The following PMS1 variants were observed in gnomAD, a reference collection of about 807,000 sequenced individuals.
PMS1 encodes PMS1 homolog 1, mismatch repair system component.
PMS1 carries 79 observed loss-of-function variants against 93.1 expected under a neutral mutation model. That is an observed-to-expected ratio of 0.85 (90% CI 0.71 to 1.02). The LOEUF (loss-of-function observed/expected upper bound fraction) is 1.02, where lower values mean the gene tolerates loss of function less well. Among genes scored for constraint, PMS1 ranks in the 50% least tolerant of loss-of-function variants. The probability of loss-of-function intolerance (pLI) is 0.00; values close to 1 mark genes in which losing one functional copy is unlikely to be tolerated. For synonymous variants in PMS1, 335 were observed against 363.4 expected (o/e 0.92, Z 0.89); for missense variants, 1,064 against 1,085.3 (o/e 0.98, Z 0.28).
chr2:189,855,175 A>G, intron 9 of PMS1, 47 bp downstream of exon 9: 3 of 1,481,564 alleles, frequency 2.0e-6, no homozygotes, highest in Non-Finnish European at 2.8e-6. Context: ...AGCTATTTCC[A>G]TTCTATATGA....
intron 7 of PMS1, among the ~76,000 whole-genome samples, chr2:189,852,989 A>C (rs143925755): frequency 1.6e-3 from 237 of 152,282 alleles, no homozygotes; most frequent in African/African-American, 5.4e-3. Context: ...TGAGGAAACA[A>C]ATGTTCAATG....
intron 2 of PMS1, among the ~76,000 whole-genome samples, chr2:189,794,143 C>T (rs1575033422): frequency 6.6e-6 from 1 of 152,166 alleles, no homozygotes; most frequent in Non-Finnish European, 1.5e-5. Flanking sequence ...GAGACAGTCT[C>T]ATTCTGTTGC....
chr2:189,800,332 T>G (rs1054497032), intron 3 of PMS1, among the ~76,000 whole-genome samples: 2 of 151,516 alleles, frequency 1.3e-5, no homozygotes, highest in Non-Finnish European at 2.9e-5. Flanking sequence ...AAATATTAAA[T>G]TATTTACAAA....
intron 10 of PMS1, among the ~76,000 whole-genome samples, chr2:189,866,960 A>C (rs548052872): frequency 1.4e-4 from 21 of 152,294 alleles, no homozygotes; most frequent in Admixed American, 1.2e-3. Flanking sequence ...AGTACATGTG[A>C]TATATAGCCA....
At chr2:189,795,689 T>A in intron 2 of PMS1, 80 bp from the exon 3 acceptor site, 3 of 1,132,838 alleles carry the variant, frequency 2.6e-6, no homozygotes, top group Non-Finnish European at 4.0e-6. Context: ...ATGTCAAAAT[T>A]CTTTCACTTG....
At chr2:189,856,910 C>CA (rs1198469942) in intron 9 of PMS1, among the ~76,000 whole-genome samples, 3 of 152,024 alleles carry the variant, frequency 2.0e-5, no homozygotes, top group Non-Finnish European at 2.9e-5. Flanking sequence ...CATTTACCAT[C>CA]AATTACCGGA....
At chr2:189,816,946 TTCTA>T (rs144150235) in intron 4 of PMS1, among the ~76,000 whole-genome samples, 3,166 of 152,316 alleles carry the variant, frequency 0.021, 104 homozygotes, top group African/African-American at 0.071. Flanking sequence ...TTCTAGTTTA[TTCTA>T]TCTTTTTATT....
intron 1 of PMS1, among the ~76,000 whole-genome samples, chr2:189,789,866 G>A (rs5742970): frequency 3.0e-4 from 45 of 152,154 alleles, no homozygotes; most frequent in Non-Finnish European, 4.6e-4. Context: ...TGTCAAGCTT[G>A]TGCTTATTTT....
intron 11 of PMS1, 117 bp from the exon 12 acceptor site, chr2:189,873,379 C>T (rs2057311279): frequency 1.0e-5 from 7 of 693,074 alleles, no homozygotes; most frequent in Middle Eastern, 4.0e-4. Flanking sequence ...AAACTTTGTC[C>T]TGACTGTATT....
chr2:189,865,607 T>C (rs1035763887), intron 10 of PMS1, among the ~76,000 whole-genome samples: 1 of 152,216 alleles, frequency 6.6e-6, no homozygotes, highest in Non-Finnish European at 1.5e-5. Context: ...GGTTGTAATA[T>C]AGGGTATTTC....
chr2:189,870,629 T>C (rs986198832), intron 11 of PMS1, among the ~76,000 whole-genome samples: 1 of 152,256 alleles, frequency 6.6e-6, no homozygotes, highest in Non-Finnish European at 1.5e-5. Context: ...CACTAGTAAT[T>C]CTGTGAAATG....
intron 5 of PMS1, among the ~76,000 whole-genome samples, chr2:189,832,462 A>G (rs952673595): frequency 2.6e-5 from 4 of 151,944 alleles, no homozygotes; most frequent in African/African-American, 4.8e-5. Context: ...GCTGACCAGA[A>G]GGGTTTTCTT....
Position 189,873,649 on chromosome 2 carries a change from A to AT in PMS1, c.2630dup (p.Leu877PhefsTer35), listed in dbSNP as rs1314962812. 2.5e-6 allele frequency: 4 copies of AT among 1,602,590 alleles called. No individual in the cohort carries two copies. The South Asian group carries it at 4.4e-5, about 18-fold the overall frequency. On this transcript the variant is annotated frameshift_variant, in exon 12 of 13. Transcript: ENST00000441310. LOFTEE classifies it high-confidence loss of function. Reference sequence around the variant, plus strand: ...TGTAGACCTCGCAAAGTGATAAGTTATTTAGAGGTACGCATTATTTTATAT... The same window carrying AT: ...TGTAGACCTCGCAAAGTGATAAGTTATTTTAGAGGTACGCATTATTTTATAT...
intron 4 of PMS1, among the ~76,000 whole-genome samples, chr2:189,808,441 C>T (rs1468239152): frequency 6.6e-6 from 1 of 152,094 alleles, no homozygotes; most frequent in East Asian, 1.9e-4. Flanking sequence ...AGTTCTTGTG[C>T]CTTGGCCTCC....
chr2:189,864,382 G>A (rs1287599244), intron 10 of PMS1, 154 bp downstream of exon 10: 1 of 653,092 alleles, frequency 1.5e-6, no homozygotes, highest in Non-Finnish European at 2.7e-6. Flanking sequence ...TCTAGGCCGG[G>A]CGCAGTGGCT....
intron 6 of PMS1, among the ~76,000 whole-genome samples, chr2:189,845,078 G>A (rs975453566): frequency 3.9e-5 from 6 of 152,140 alleles, no homozygotes; most frequent in South Asian, 2.1e-4. Flanking sequence ...GGCTGGTCTC[G>A]ATCCTCTGAC....
chr2:189,797,765 G>C (rs1010312344), intron 3 of PMS1, among the ~76,000 whole-genome samples: 2 of 152,162 alleles, frequency 1.3e-5, no homozygotes, highest in African/African-American at 2.4e-5. Flanking sequence ...TAGTAGTCCA[G>C]TCTTGCCAAG....
intron 12 of PMS1, 77 bp downstream of exon 12, chr2:189,873,733 A>C: frequency 9.6e-7 from 1 of 1,045,204 alleles, no homozygotes. Flanking sequence ...GAACCAGGCC[A>C]CACAGCAGGA....
intron 9 of PMS1, among the ~76,000 whole-genome samples, chr2:189,863,318 A>G (rs2056233638): frequency 6.7e-6 from 1 of 148,780 alleles, no homozygotes; most frequent in Non-Finnish European, 1.5e-5. Context: ...CAGTGGCACG[A>G]TCTCGGCTCA....
Sources: allele counts gnomAD v4.1 joint callset (sites outside exome capture counted in the v4.1 genomes callset), GRCh38; gene constraint gnomAD v4.1.1; transcripts MANE v1.5; gene names NCBI Gene and HGNC (gene_info 2026-07-23, HGNC 2026-07-21).